FAM234A: variants seen among roughly 807,000 people sequenced by gnomAD.
The protein encoded by FAM234A is family with sequence similarity 234 member A, also known as protein FAM234A.
FAM234A carries 42 observed loss-of-function variants against 49.1 expected under a neutral mutation model. The ratio of observed to expected loss-of-function variants is 0.86; its 90% CI spans 0.67 to 1.11. The LOEUF is 1.11. Among genes scored for constraint, FAM234A ranks in the 50% least tolerant of loss-of-function variants. The pLI is 0.00. For synonymous variants in FAM234A, 369 were observed against 316.2 expected (o/e 1.17, Z -1.77); for missense variants, 815 against 745.2 (o/e 1.09, Z -1.09).
At chr16:268,945 T>G (rs2051792436), downstream of FAM234A, 3 of 1,550,370 alleles carry the variant, frequency 1.9e-6, no homozygotes, top group Non-Finnish European at 1.7e-6. Context: ...GGGCACCCAG[T>G]GCTGGACTGA....
chr16:263,207 G>A, intron 8 of FAM234A, 55 bp from the exon 9 acceptor site: 2 of 1,594,784 alleles, frequency 1.3e-6, no homozygotes, highest in Non-Finnish European at 1.7e-6. Context: ...CCTCCACTGG[G>A]TGCCTGAGGC....
Position 259,616 on chromosome 16 carries a change from T to C in FAM234A, c.385+17T>C, listed in dbSNP as rs1306208648. On this transcript the variant is annotated intron_variant, in intron 4 of 12. Transcript: ENST00000399932. ...TGGACGAAGGTAATTTCATTTTATA[T>C]GAAAAAGGCGGAGCTCCCTGTAGAA... The C allele has an allele frequency of 2.7e-6, 4 of 1,475,880 alleles. No homozygotes were observed. In the African/African-American group the frequency reaches 5.6e-5, roughly 21 times the overall value. 91.4% of individuals were successfully genotyped at this position (1,475,880 alleles called of 1,614,324 possible).
intron 1 of FAM234A, among the ~76,000 whole-genome samples, chr16:246,106 T>A (rs2050792518): frequency 6.6e-6 from 1 of 151,082 alleles, no homozygotes; most frequent in Non-Finnish European, 1.5e-5. Flanking sequence ...TCCCAGCCAC[T>A]CAGGAGGCTG....
In FAM234A at chr16:263,135, TAGAACTGAGAAACG is replaced by T. The variant is rs1311316205; in HGVS notation, c.972-126_972-113del. ...GCCCAGCTCTTCTCTTTTCAAGCTG[TAGAACTGAGAAACG>T]GGTTATGGGGGCCTAAGAGGAGCAC... On this transcript the variant is annotated intron_variant, in intron 8 of 12. Transcript: ENST00000399932. 8 of 1,179,376 alleles carry T rather than the reference TAGAACTGAGAAACG, an allele frequency of 6.8e-6. No homozygotes were observed. In the African/African-American group the frequency reaches 7.6e-5, roughly 11 times the overall value. The allele number at this position is 1,179,376 out of a possible 1,614,324, so 73.1% of individuals were successfully genotyped here.
At chr16:268,175 C>T (rs1372894548), downstream of FAM234A, 1 of 170,288 alleles carries the variant, frequency 5.9e-6, no homozygotes. Context: ...TGCACACGTG[C>T]ACTACACACA....
chr16:266,423 CT>C (rs1223114563), downstream of FAM234A, among the ~76,000 whole-genome samples: 1 of 152,188 alleles, frequency 6.6e-6, no homozygotes, highest in Non-Finnish European at 1.5e-5. Flanking sequence ...TGAGGGCTGG[CT>C]GGAGTCCAGC....
chr16:259,602 A>G lies in FAM234A; in HGVS notation c.385+3A>G. On this transcript the variant is annotated splice_donor_region_variant and intron_variant, in intron 4 of 12. Coordinates refer to ENST00000399932, the MANE Select transcript of FAM234A (RefSeq NM_032039.4). ...CAGCCGATCCTGTGTGGACGAAGGT[A>G]ATTTCATTTTATATGAAAAAGGCGG... The G allele has an allele frequency of 6.4e-7, 1 of 1,563,764 alleles. No homozygotes were observed. Among genetic ancestry groups the G allele is most frequent in the Non-Finnish European group, 8.8e-7 (1 of 1,135,684 alleles).
At position 247,939 on chromosome 16, in the gene FAM234A, C is replaced by T. The variant is rs189286301; in HGVS notation, c.-139-1610C>T. 1.7e-3 allele frequency among the ~76,000 whole-genome samples: 260 copies of T among 152,196 alleles called. 2 individuals are homozygous for T. Among genetic ancestry groups the T allele is most frequent in the South Asian group, 3.5e-3 (17 of 4,822 alleles). On this transcript the variant is annotated intron_variant, in intron 1 of 12. Transcript: ENST00000399932. ...TGGGAGAGTCCCCATGGAGGCACTG[C>T]GGGGCCTGACTGTCTGGGAACCCTC...
At chr16:254,067 A>G (rs1278215467) in intron 2 of FAM234A, 10 of 315,170 alleles carry the variant, frequency 3.2e-5, no homozygotes, top group African/African-American at 4.4e-5. Flanking sequence ...CTTAGTTAAC[A>G]CTGCCCTGGA....
At chr16:254,804 A>T (rs7189020) in intron 3 of FAM234A, 123 bp downstream of exon 3, 434,994 of 976,930 alleles carry the variant, frequency 0.45, 106,169 homozygotes, top group African/African-American at 0.87. Context: ...CAATCCCAAG[A>T]GGCTGCCAGT....
intron 1 of FAM234A, among the ~76,000 whole-genome samples, chr16:246,371 T>C (rs2050805044): frequency 7.2e-6 from 1 of 139,434 alleles, no homozygotes. Context: ...CTCTGCCTCC[T>C]GGGTTCAAGC....
chr16:263,500 G>T, intron 9 of FAM234A, 98 bp downstream of exon 9: 1 of 1,510,352 alleles, frequency 6.6e-7, no homozygotes, highest in Non-Finnish European at 8.9e-7. Flanking sequence ...TGGGGGTGGG[G>T]CCGGAGGCCG....
chr16:257,231 G>T (rs1460703696), intron 3 of FAM234A, among the ~76,000 whole-genome samples: 3 of 141,546 alleles, frequency 2.1e-5, no homozygotes, highest in South Asian at 2.3e-4. Flanking sequence ...TAGTTTCAAT[G>T]AAGTCTTTTT....
rs2051459919 is a variant in FAM234A, at chr16:261,392, C to A, written c.586C>A (p.Leu196Met). The A allele has an allele frequency of 1.2e-6, 2 of 1,611,882 alleles. No individual in the cohort carries two copies. Among genetic ancestry groups the A allele is most frequent in the African/African-American group, 2.7e-5 (2 of 74,920 alleles). ...CGTGTGCTTGATTCTAGGGGAAACC[C>A]TGTGGAACCACAGCAGCAGCTTCAG... Reference protein sequence around the residue: ...IAVNLFTGETLWNHSSSFSGN... With the variant: ...IAVNLFTGETMWNHSSSFSGN... Residue 196 changes from leucine (L) to methionine (M), a missense_variant, in exon 6 of 13, where the codon CTG (leucine) becomes ATG (methionine). Leu to Met is a conservative substitution (Grantham distance 15, BLOSUM62 2). Transcript: ENST00000399932.
At chr16:256,370 C>A (rs191867484) in intron 3 of FAM234A, among the ~76,000 whole-genome samples, 1 of 152,242 alleles carries the variant, frequency 6.6e-6, no homozygotes, top group African/African-American at 2.4e-5. Context: ...TATTGTCTGT[C>A]TTCTTATTAC....
intron 11 of FAM234A, 66 bp from the exon 12 acceptor site, chr16:264,548 T>C (rs2051615059): frequency 9.3e-7 from 1 of 1,078,258 alleles, no homozygotes; most frequent in African/African-American, 1.5e-5. Context: ...ACGGTCACTC[T>C]GACAGCAGTG....
rs1030014082 is a variant in FAM234A, at chr16:265,914, C to T, written c.*892C>T. On this transcript the variant is annotated 3_prime_UTR_variant, in exon 13 of 13. Transcript: ENST00000399932. ...CCTTCCGGTGCTCACACGCCCACGC[C>T]GTGCCACCCGATGCAGGACTCACCT... The T allele has an allele frequency of 8.1e-6, 8 of 986,254 alleles. No homozygotes were observed. In the African/African-American group the frequency reaches 1.0e-4, roughly 13 times the overall value. The allele number at this position is 986,254 out of a possible 1,614,324, so 61.1% of individuals were successfully genotyped here.
At chr16:259,695 G>C in intron 4 of FAM234A, 96 bp downstream of exon 4, 2 of 825,734 alleles carry the variant, frequency 2.4e-6, no homozygotes, top group East Asian at 2.4e-5. Flanking sequence ...GGGGGAAGCA[G>C]ATGGTGGTGT....
intron 2 of FAM234A, 181 bp from the exon 3 acceptor site, chr16:254,200 T>G: frequency 1.6e-6 from 1 of 616,594 alleles, no homozygotes; most frequent in East Asian, 2.7e-5. Context: ...GAGACCTTCT[T>G]AAGTATAATC....
Sources: gnomAD v4.1 joint callset for allele counts (sites outside exome capture counted in the v4.1 genomes callset) on GRCh38, gnomAD v4.1.1 for gene constraint, MANE v1.5 for transcripts, NCBI Gene and HGNC (gene_info 2026-07-23, HGNC 2026-07-21) for gene names.